GCSAML: variants seen among roughly 807,000 people sequenced by gnomAD.
GCSAML encodes the protein germinal center associated signaling and motility like.
Under a neutral mutation model 13.0 loss-of-function variants are expected in GCSAML, and 9 were observed. The ratio of observed to expected loss-of-function variants is 0.69; its 90% confidence interval spans 0.42 to 1.21. GCSAML has a LOEUF of 1.21. Among genes scored for constraint, GCSAML ranks in the 50% most tolerant of loss-of-function variants. The pLI, the probability that GCSAML is intolerant of heterozygous loss-of-function variation, is 0.00. For missense variants in GCSAML, 143 were observed against 153.4 expected (o/e 0.93, Z 0.36); for synonymous variants, 37 against 52.9 (o/e 0.70, Z 1.31).
rs1462872452 is a variant in GCSAML, at chr1:247,527,055, G to A, written c.-148+1G>A. On this transcript the variant is annotated splice_donor_variant, in intron 2 of 5. Coordinates refer to the GCSAML transcript ENST00000366489. LOFTEE classifies it low-confidence loss of function (5UTR_SPLICE). The surrounding 1 kb of genome is among the most constrained non-coding windows in gnomAD (Gnocchi z 4.6). ...TTCAGTTCTTGGATGCCAATCTGAGGTACAAATCACATTTCAAGTGTATTT... is the reference window on the plus strand; with the variant it reads ...TTCAGTTCTTGGATGCCAATCTGAGATACAAATCACATTTCAAGTGTATTT... 1.1e-5 allele frequency: 5 copies of A among 456,708 alleles called. No homozygotes were observed. Among genetic ancestry groups the A allele is most frequent in the Admixed American group, 2.3e-5 (1 of 42,582 alleles). The allele number at this position is 456,708 out of a possible 1,614,324, so 28.3% of individuals were successfully genotyped here.
chr1:247,537,301 TTC>T (rs1667256011), intron 2 of GCSAML, among the ~76,000 whole-genome samples: 1 of 152,250 alleles, frequency 6.6e-6, no homozygotes, highest in South Asian at 2.1e-4. Flanking sequence ...GTATCAGTAC[TTC>T]ATTCTCTTTT....
chr1:247,539,431 CG>C (rs1439639567), intron 2 of GCSAML, among the ~76,000 whole-genome samples: 2 of 152,132 alleles, frequency 1.3e-5, no homozygotes, highest in Non-Finnish European at 2.9e-5. Context: ...AGTTGACCCT[CG>C]TTCCTGAAAA....
chr1:247,550,062 G>A (rs1667713486), intron 1 of GCSAML, among the ~76,000 whole-genome samples: 1 of 152,170 alleles, frequency 6.6e-6, no homozygotes, highest in Non-Finnish European at 1.5e-5. Flanking sequence ...AACGCTAATA[G>A]ACGGAGTGGA....
chr1:247,556,391 ATG>A lies in GCSAML; in HGVS notation c.30-12_30-11del. 6.3e-7 allele frequency: 1 copy of A among 1,590,184 alleles called. No individual in the cohort carries two copies. Among genetic ancestry groups the A allele is most frequent in the Non-Finnish European group, 8.6e-7 (1 of 1,161,432 alleles). ...GCAGTAACAATCTCTCTTTTTTCTT[ATG>A]TGTTTCCATATAGTTGCCTGGGAGA... On this transcript the variant is annotated splice_polypyrimidine_tract_variant and intron_variant, in intron 1 of 4. Coordinates refer to ENST00000366488, the MANE Select transcript of GCSAML (RefSeq NM_145278.5).
At chr1:247,565,818 A>C in intron 3 of GCSAML, 113 bp from the exon 4 acceptor site, 1 of 757,266 alleles carries the variant, frequency 1.3e-6, no homozygotes, top group Non-Finnish European at 2.1e-6. Context: ...AGGCCTCTGC[A>C]GTTTTATGAC....
In GCSAML at chr1:247,576,852, C is replaced by T. The variant is rs1668858249; in HGVS notation, c.*2470C>T. 3.9e-5 allele frequency: 6 copies of T among 152,114 alleles called. 1 individual carries two copies. In the South Asian group the frequency reaches 1.2e-3, roughly 32 times the overall value. The allele number at this position is 152,114 out of a possible 1,614,324, so 9.4% of individuals were successfully genotyped here. On this transcript the variant is annotated 3_prime_UTR_variant, in exon 5 of 5. Coordinates refer to ENST00000366488, the MANE Select transcript of GCSAML (RefSeq NM_145278.5). ...GACAAAATTTTTTACTTTTCGTCTGCCTTTGTAGCTGTTTTATGATATAAA... is the reference window on the plus strand; with the variant it reads ...GACAAAATTTTTTACTTTTCGTCTGTCTTTGTAGCTGTTTTATGATATAAA...
At chr1:247,560,518 A>G (rs1558256664) in intron 2 of GCSAML, among the ~76,000 whole-genome samples, 1 of 152,284 alleles carries the variant, frequency 6.6e-6, no homozygotes. Flanking sequence ...TGAAAGTTTG[A>G]AAACTCATTA....
intron 4 of GCSAML, among the ~76,000 whole-genome samples, chr1:247,567,276 G>A (rs905501469): frequency 2.0e-5 from 3 of 151,726 alleles, no homozygotes; most frequent in Non-Finnish European, 4.4e-5. Context: ...CTTCATCTAG[G>A]GTTTAAACCC....
At chr1:247,564,642 A>G (rs1668271096) in intron 3 of GCSAML, among the ~76,000 whole-genome samples, 1 of 152,222 alleles carries the variant, frequency 6.6e-6, no homozygotes, top group African/African-American at 2.4e-5. Context: ...CATCAAATTA[A>G]TATATCCATC....
chr1:247,556,493 T>G (rs937902839), intron 2 of GCSAML, 27 bp downstream of exon 2: 3 of 1,438,930 alleles, frequency 2.1e-6, no homozygotes, highest in Non-Finnish European at 2.9e-6. Context: ...TCAGAGTTTT[T>G]TTGTTTTGTT....
In GCSAML at chr1:247,568,898, T is replaced by G. The variant is rs191287849; in HGVS notation, c.168+2939T>G. 1.2e-4 allele frequency among the ~76,000 whole-genome samples: 18 copies of G among 152,246 alleles called. No homozygotes were observed. In the East Asian group the frequency reaches 3.1e-3, roughly 26 times the overall value. The stretch of plus-strand genomic sequence containing the variant: ...CCTTGAAGAGGTGCTTTACGTCCCT[T>G]GTAAGTTGTATTCCTAGGTATTTTA... On this transcript the variant is annotated intron_variant, in intron 4 of 4. Coordinates refer to ENST00000366488, the MANE Select transcript of GCSAML (RefSeq NM_145278.5).
intron 4 of GCSAML, among the ~76,000 whole-genome samples, chr1:247,570,731 G>T (rs1406339374): frequency 6.6e-6 from 1 of 152,082 alleles, no homozygotes; most frequent in African/African-American, 2.4e-5. Context: ...GGTCCACTTG[G>T]TCCAGAGCTG....
chr1:247,533,203 A>G (rs1321227560), intron 2 of GCSAML, among the ~76,000 whole-genome samples: 1 of 152,054 alleles, frequency 6.6e-6, no homozygotes, highest in Non-Finnish European at 1.5e-5. Context: ...ACTCTAACTC[A>G]TCTCTCTGCT....
upstream of GCSAML, among the ~76,000 whole-genome samples, chr1:247,545,181 A>G (rs189610672): frequency 1.4e-4 from 22 of 152,300 alleles, no homozygotes; most frequent in East Asian, 4.1e-3. Flanking sequence ...TTTGGTTCCA[A>G]TATTATCTGC....
chr1:247,531,934 G>C (rs758240248), intron 2 of GCSAML: 1 of 1,614,126 alleles, frequency 6.2e-7, no homozygotes. Flanking sequence ...ATTGAGGCTG[G>C]TATCCACACA....
At chr1:247,515,189 C>T (rs992655764) in intron 1 of GCSAML, among the ~76,000 whole-genome samples, 14 of 152,228 alleles carry the variant, frequency 9.2e-5, no homozygotes, top group Non-Finnish European at 1.8e-4. Flanking sequence ...CTATGAACCA[C>T]GTGAAAGCTA....
chr1:247,532,176 C>T, intron 2 of GCSAML: 6 of 1,614,112 alleles, frequency 3.7e-6, no homozygotes, highest in Middle Eastern at 3.3e-4. Context: ...GCAGGACACA[C>T]TCGGTTGCCC....
intron 4 of GCSAML, among the ~76,000 whole-genome samples, chr1:247,569,147 G>A (rs933046334): frequency 3.9e-5 from 6 of 152,140 alleles, no homozygotes; most frequent in Non-Finnish European, 8.8e-5. Context: ...CACGTCATCT[G>A]CAAACAGAGA....
rs1458671404 is a variant in GCSAML, at chr1:247,526,743, G to A, written c.-262-197G>A. The stretch of plus-strand genomic sequence containing the variant: ...CTGTGAGAAGCCATCAAAGCCTATG[G>A]TTGCTGCAAGAGGAATAAAAGAAAA... On this transcript the variant is annotated intron_variant, in intron 1 of 5. Transcript: ENST00000366489. The surrounding 1 kb of genome is among the most constrained non-coding windows in gnomAD (Gnocchi z 4.8). 2.2e-5 allele frequency: 8 copies of A among 358,716 alleles called. No individual in the cohort carries two copies. Among genetic ancestry groups the A allele is most frequent in the Non-Finnish European group, 4.3e-5 (8 of 184,464 alleles). 22.2% of individuals were successfully genotyped at this position (358,716 alleles called of 1,614,324 possible). A position where few individuals can be genotyped will look rare whatever the true frequency, so the allele number is the denominator to read the frequency against.
Sources: gnomAD v4.1 joint callset for allele counts (sites outside exome capture counted in the v4.1 genomes callset) on GRCh38, gnomAD v4.1.1 for gene constraint, Gnocchi (gnomAD v3.1) non-coding constraint, MANE v1.5 for transcripts, NCBI Gene and HGNC (gene_info 2026-07-23, HGNC 2026-07-21) for gene names.